Variants in TSHZ2 observed in about 807,000 individuals in gnomAD.
TSHZ2 encodes teashirt homolog 2.
A neutral mutation model predicts 74.4 loss-of-function variants in TSHZ2; 21 were observed. The ratio of observed to expected loss-of-function variants is 0.28; its 90% CI spans 0.20 to 0.41. The LOEUF (loss-of-function observed/expected upper bound fraction) is 0.41. TSHZ2 is among the 10% of genes least tolerant of loss of function. The pLI, the probability that TSHZ2 is intolerant of heterozygous loss-of-function variation, is 1.00. For missense variants in TSHZ2, 1,244 were observed against 1,293.5 expected (o/e 0.96, Z 0.59); for synonymous variants, 540 against 515.3 (o/e 1.05, Z -0.65).
At chr20:53,234,114 C>T (rs1989887625) in intron 1 of TSHZ2, among the ~76,000 whole-genome samples, 2 of 152,126 alleles carry the variant, frequency 1.3e-5, no homozygotes, top group African/African-American at 4.8e-5. Context: ...CTTAAATTGA[C>T]TTCTAGATAT....
At chr20:53,246,347 G>C (rs1166409746) in intron 1 of TSHZ2, among the ~76,000 whole-genome samples, 2 of 152,078 alleles carry the variant, frequency 1.3e-5, no homozygotes, top group African/African-American at 4.8e-5. Flanking sequence ...CTGGTGCACT[G>C]TGCTTTTGAT....
At chr20:53,403,215 G>A (rs1982731904) in intron 2 of TSHZ2, among the ~76,000 whole-genome samples, 1 of 152,120 alleles carries the variant, frequency 6.6e-6, no homozygotes, top group African/African-American at 2.4e-5. Context: ...CATCCATGTT[G>A]CTGCAATGGA....
chr20:53,080,666 A>C (rs1385090936), intron 1 of TSHZ2, among the ~76,000 whole-genome samples: 1 of 152,126 alleles, frequency 6.6e-6, no homozygotes, highest in Non-Finnish European at 1.5e-5. Context: ...TGAAAATCGA[A>C]TGCCCCTGCT....
intron 1 of TSHZ2, among the ~76,000 whole-genome samples, chr20:53,036,636 C>T (rs1224422400): frequency 6.8e-6 from 1 of 147,324 alleles, no homozygotes; most frequent in African/African-American, 2.5e-5. Context: ...GGGTTTATTG[C>T]ATTACACATT....
chr20:53,241,611 C>G (rs1990072849), intron 1 of TSHZ2, among the ~76,000 whole-genome samples: 1 of 152,032 alleles, frequency 6.6e-6, no homozygotes, highest in South Asian at 2.1e-4. Flanking sequence ...CCTGAGAAAT[C>G]CAGCTCCATA....
chr20:53,435,556 C>T (rs1984019855), intron 2 of TSHZ2, among the ~76,000 whole-genome samples: 3 of 152,192 alleles, frequency 2.0e-5, no homozygotes, highest in Admixed American at 1.3e-4. Flanking sequence ...CTCTGTCGCC[C>T]AGGCTGGAGT....
chr20:53,145,808 C>T (rs1456337935), intron 1 of TSHZ2, among the ~76,000 whole-genome samples: 1 of 152,176 alleles, frequency 6.6e-6, no homozygotes, highest in African/African-American at 2.4e-5. Context: ...GGGAGAGGTA[C>T]ATGCCTAGGA....
intron 1 of TSHZ2, among the ~76,000 whole-genome samples, chr20:53,252,064 A>G (rs750589162): frequency 2.6e-4 from 39 of 152,258 alleles, no homozygotes; most frequent in Non-Finnish European, 4.9e-4. Context: ...GATATTAGAC[A>G]AAATGAAAGA....
chr20:53,014,288 C>T (rs1982957581), intron 1 of TSHZ2, among the ~76,000 whole-genome samples: 2 of 152,134 alleles, frequency 1.3e-5, no homozygotes. Flanking sequence ...GAGGATTCCA[C>T]CCTTGTGACC....
intron 1 of TSHZ2, among the ~76,000 whole-genome samples, chr20:53,205,519 T>C (rs1989147265): frequency 6.6e-6 from 1 of 152,190 alleles, no homozygotes; most frequent in Admixed American, 6.6e-5. Context: ...ATCCTGGGTC[T>C]TTTTAAAACT....
chr20:53,375,474 T>C (rs914937669), intron 2 of TSHZ2, among the ~76,000 whole-genome samples: 3 of 152,348 alleles, frequency 2.0e-5, no homozygotes, highest in South Asian at 4.1e-4. Flanking sequence ...TAAAGGAAAG[T>C]TGAGTGAGGA....
intron 1 of TSHZ2, among the ~76,000 whole-genome samples, chr20:53,231,047 T>A: frequency 6.6e-6 from 1 of 152,206 alleles, no homozygotes; most frequent in African/African-American, 2.4e-5. Flanking sequence ...CTGCTTTGCT[T>A]TCTTGAGGGA....
chr20:53,174,004 A>ACATACCCATGAAGG (rs1305045628), intron 1 of TSHZ2, among the ~76,000 whole-genome samples: 2 of 152,228 alleles, frequency 1.3e-5, no homozygotes, highest in African/African-American at 4.8e-5. Context: ...ACACACATAC[A>ACATACCCATGAAGG]CATACCCATG....
rs1987165663 is a variant in TSHZ2, at chr20:53,133,653, C to CAAG, written c.41-119843_41-119841dup. 2.0e-5 allele frequency among the ~76,000 whole-genome samples: 3 copies of CAAG among 152,004 alleles called. No individual in the cohort carries two copies. In the South Asian group the frequency reaches 6.2e-4, roughly 32 times the overall value. ...TTAGTTCTATGTATATTCAGTGTTC[C>CAAG]AAGAAAAACTAATAAAAATCAACTA... On this transcript the variant is annotated intron_variant, in intron 1 of 2. Transcript: ENST00000371497.
chr20:53,225,536 G>A (rs2123654312), intron 1 of TSHZ2, among the ~76,000 whole-genome samples: 1 of 152,302 alleles, frequency 6.6e-6, no homozygotes, highest in South Asian at 2.1e-4. Flanking sequence ...ATTGATGCAG[G>A]CTTCGCATTG....
At chr20:53,318,179 T>C (rs1979102980) in intron 2 of TSHZ2, among the ~76,000 whole-genome samples, 1 of 152,180 alleles carries the variant, frequency 6.6e-6, no homozygotes, top group Non-Finnish European at 1.5e-5. Flanking sequence ...TGAGATTTGA[T>C]GTGGGCCTTG....
In TSHZ2 at chr20:53,078,376, A is replaced by G. The variant is rs6097217; in HGVS notation, c.40+105043A>G. On this transcript the variant is annotated intron_variant, in intron 1 of 2. Transcript: ENST00000371497. ...ACTTGTTCATTGTAGAAGATTTGCC[A>G]AGTCCAAGAACTACAGTATGCCTGA... Among the ~76,000 whole-genome samples the G allele has an allele frequency of 3.6e-3, 552 of 152,328 alleles. 1 individual carries two copies. The highest frequency in any genetic ancestry group is 0.012 in the African/African-American group (519 of 41,584).
chr20:53,199,897 G>A (rs1173557148), intron 1 of TSHZ2, among the ~76,000 whole-genome samples: 2 of 152,218 alleles, frequency 1.3e-5, no homozygotes, highest in African/African-American at 4.8e-5. Context: ...TGGCACAGGT[G>A]CCTGTGAGGA....
intron 2 of TSHZ2, among the ~76,000 whole-genome samples, chr20:53,382,093 C>T (rs1427496098): frequency 6.6e-6 from 1 of 152,162 alleles, no homozygotes; most frequent in Non-Finnish European, 1.5e-5. Flanking sequence ...CTCCTTTGCC[C>T]CTCAAACTTA....
Sources: allele counts gnomAD v4.1 joint callset (sites outside exome capture counted in the v4.1 genomes callset), GRCh38; gene constraint gnomAD v4.1.1; transcripts MANE v1.5; gene names NCBI Gene and HGNC (gene_info 2026-07-23, HGNC 2026-07-21).